SPTBN1: variants seen among roughly 807,000 people sequenced by gnomAD.
SPTBN1 encodes the protein spectrin beta chain, non-erythrocytic 1.
Under a neutral mutation model 266.4 loss-of-function variants are expected in SPTBN1, and 32 were observed. That is an observed-to-expected ratio of 0.12 (90% CI 0.09 to 0.16). The LOEUF (loss-of-function observed/expected upper bound fraction) is 0.16. Ranked by LOEUF, SPTBN1 falls within the 10% of genes least tolerant of loss-of-function variation. The probability of loss-of-function intolerance (pLI) is 1.00; values close to 1 mark genes in which losing one functional copy is unlikely to be tolerated. For missense variants in SPTBN1, 2,296 were observed against 3,067.1 expected (o/e 0.75, Z 5.94); for synonymous variants, 1,336 against 1,162.2 (o/e 1.15, Z -3.04).
chr2:54,667,347 G>A (rs931275967), intron 34 of SPTBN1, among the ~76,000 whole-genome samples: 5 of 152,074 alleles, frequency 3.3e-5, no homozygotes, highest in African/African-American at 1.2e-4. Context: ...TTATGTTTGG[G>A]GCTTTTTAAA....
At chr2:54,512,418 A>G (rs1452304426) in intron 1 of SPTBN1, among the ~76,000 whole-genome samples, 1 of 152,252 alleles carries the variant, frequency 6.6e-6, no homozygotes. Flanking sequence ...AAGCGATGGT[A>G]GTTATTTGAA....
intron 2 of SPTBN1, among the ~76,000 whole-genome samples, chr2:54,553,673 C>G (rs899606985): frequency 3.9e-5 from 6 of 152,188 alleles, no homozygotes; most frequent in Non-Finnish European, 8.8e-5. Context: ...CCTCCCTGTT[C>G]CCATCACTTC....
intron 2 of SPTBN1, among the ~76,000 whole-genome samples, chr2:54,595,133 A>T (rs922687098): frequency 6.6e-6 from 1 of 152,138 alleles, no homozygotes; most frequent in Non-Finnish European, 1.5e-5. Flanking sequence ...CACCTGGCCA[A>T]TTTCTTAAAT....
intron 2 of SPTBN1, among the ~76,000 whole-genome samples, chr2:54,570,231 T>G (rs1347403008): frequency 6.6e-6 from 1 of 152,158 alleles, no homozygotes; most frequent in African/African-American, 2.4e-5. Flanking sequence ...AAGGCCCTTC[T>G]TAGCCTTTCT....
chr2:54,618,749 G>A (rs2103846837), intron 7 of SPTBN1, among the ~76,000 whole-genome samples: 1 of 152,310 alleles, frequency 6.6e-6, no homozygotes, highest in East Asian at 1.9e-4. Context: ...CTTTGCTTAT[G>A]AGCAAGTAAG....
Position 54,655,925 on chromosome 2 carries a change from A to G in SPTBN1, c.5973A>G (p.Lys1991=). The G allele has an allele frequency of 6.2e-7, 1 of 1,612,910 alleles. No homozygotes were observed. The highest frequency in any genetic ancestry group is 8.5e-7 in the Non-Finnish European group (1 of 1,179,158). ...KHYASEEIKE[K]LLQLTEKRKE... ...TCTTTTTCATACAGATCAAGGAAAA[A>G]TTACTGCAGTTGACGGAAAAGAGGA... Residue 1991 remains lysine, a synonymous_variant, in exon 29 of 36, where the codon AAA becomes AAG. Coordinates refer to ENST00000356805, the MANE Select transcript of SPTBN1 (RefSeq NM_003128.3).
At position 54,483,862 on chromosome 2, in the gene SPTBN1, G is replaced by A. The variant is rs546475132; in HGVS notation, c.-48+27344G>A. The stretch of plus-strand genomic sequence containing the variant: ...CCTTATTGCCTTCTTGCTTTGTTCC[G>A]CTGGTCAGGTTAGTGTTCTTGACGG... On this transcript the variant is annotated intron_variant, in intron 1 of 35. Coordinates refer to ENST00000356805, the MANE Select transcript of SPTBN1 (RefSeq NM_003128.3). Among the ~76,000 whole-genome samples the A allele has an allele frequency of 4.6e-5, 7 of 152,246 alleles. No individual in the cohort carries two copies. The East Asian group carries it at 9.7e-4, about 21-fold the overall frequency.
At chr2:54,484,290 T>C (rs1004732875) in intron 1 of SPTBN1, among the ~76,000 whole-genome samples, 2 of 152,230 alleles carry the variant, frequency 1.3e-5, no homozygotes, top group African/African-American at 4.8e-5. Flanking sequence ...AGGACTTTTA[T>C]ATGCTTGGGA....
chr2:54,649,969 A>G lies in SPTBN1; in HGVS notation c.5557A>G (p.Ile1853Val), dbSNP rs151100181. 8.1e-6 allele frequency: 13 copies of G among 1,609,624 alleles called. No homozygotes were observed. In the Admixed American group the frequency reaches 1.8e-4, roughly 23 times the overall value. Residue 1853 changes from isoleucine (I) to valine (V), a missense_variant, in exon 26 of 36, where the codon ATC (isoleucine) becomes GTC (valine). Physicochemically the swap from Ile to Val is conservative, Grantham distance 29 (BLOSUM62 3). Coordinates refer to ENST00000356805, the MANE Select transcript of SPTBN1 (RefSeq NM_003128.3). The surrounding 1 kb of genome is among the most constrained non-coding windows in gnomAD (Gnocchi z 6.7). Reference protein sequence around the residue: ...QRMHTTFEHDIQALGTQVRQL... With the variant: ...QRMHTTFEHDVQALGTQVRQL... ...AATGCACACTACATTTGAGCATGAC[A>G]TCCAGGCTCTGGGCACACAGGTGGG...
chr2:54,562,865 G>A (rs1374432287), intron 2 of SPTBN1, among the ~76,000 whole-genome samples: 1 of 152,002 alleles, frequency 6.6e-6, no homozygotes, highest in East Asian at 1.9e-4. Context: ...GCCTAGAAAT[G>A]CTTACCATTT....
At chr2:54,523,070 T>C (rs991163780) in intron 1 of SPTBN1, among the ~76,000 whole-genome samples, 1 of 152,230 alleles carries the variant, frequency 6.6e-6, no homozygotes, top group African/African-American at 2.4e-5. Flanking sequence ...GTCTCTGATA[T>C]TGATAATAGT....
chr2:54,481,724 A>G (rs1450272587), intron 1 of SPTBN1, among the ~76,000 whole-genome samples: 1 of 152,212 alleles, frequency 6.6e-6, no homozygotes, highest in Non-Finnish European at 1.5e-5. Context: ...CATAGTGGTA[A>G]GAGCTTACTG....
At chr2:54,476,085 G>C (rs1401001649) in intron 1 of SPTBN1, among the ~76,000 whole-genome samples, 1 of 151,680 alleles carries the variant, frequency 6.6e-6, no homozygotes, top group Non-Finnish European at 1.5e-5. Context: ...GGTTAGGCTG[G>C]TGCTGCAGTA....
chr2:54,591,697 C>G (rs1346853927), intron 2 of SPTBN1, among the ~76,000 whole-genome samples: 1 of 152,168 alleles, frequency 6.6e-6, no homozygotes, highest in African/African-American at 2.4e-5. Flanking sequence ...ATAACCAGAA[C>G]TGTGGCATAT....
At chr2:54,650,062 ATC>A in intron 26 of SPTBN1, 73 bp downstream of exon 26, 1 of 1,518,194 alleles carries the variant, frequency 6.6e-7, no homozygotes, top group Non-Finnish European at 8.8e-7. Flanking sequence ...ATCTGTAAGT[ATC>A]TCCCTGTTCC....
At chr2:54,587,083 C>T (rs546333606) in intron 2 of SPTBN1, among the ~76,000 whole-genome samples, 2 of 152,212 alleles carry the variant, frequency 1.3e-5, no homozygotes, top group South Asian at 2.1e-4. Context: ...TTACACGCCC[C>T]GTAGAACATT....
At position 54,628,313 on chromosome 2, in the gene SPTBN1, C is replaced by T; in HGVS notation, c.1798+63C>T. The T allele has an allele frequency of 6.6e-7, 1 of 1,511,824 alleles. No homozygotes were observed. The highest frequency in any genetic ancestry group is 1.4e-5 in the African/African-American group (1 of 71,718). The allele number at this position is 1,511,824 out of a possible 1,614,324, so 93.7% of individuals were successfully genotyped here. A position where few individuals can be genotyped will look rare whatever the true frequency, so the allele number is the denominator to read the frequency against. Reference sequence around the variant, plus strand: ...CCAGAGATTCATATTTATAGAAACACAGTGGGGCTTTTGAAGTTACTGTGC... The same window carrying T: ...CCAGAGATTCATATTTATAGAAACATAGTGGGGCTTTTGAAGTTACTGTGC... On this transcript the variant is annotated intron_variant, in intron 13 of 35. Coordinates refer to ENST00000356805, the MANE Select transcript of SPTBN1 (RefSeq NM_003128.3). This position sits in a 1 kb window ranked among gnomAD's most constrained non-coding sequence, Gnocchi z 4.3.
chr2:54,599,056 T>G, intron 2 of SPTBN1, 36 bp from the exon 3 acceptor site: 1 of 1,609,000 alleles, frequency 6.2e-7, no homozygotes, highest in Non-Finnish European at 8.5e-7. Context: ...GCCAGTTCTG[T>G]GGTCAATGGT....
rs182767804 is a variant in SPTBN1, at chr2:54,485,220, A to G, written c.-48+28702A>G. On this transcript the variant is annotated intron_variant, in intron 1 of 35. Transcript: ENST00000356805. ...TCGGTCTCCCTCTCCCTCTCTTTCC[A>G]TGGTCTCCCTCTGATGCCAAGCCGA... Among the ~76,000 whole-genome samples, 203 of 136,962 alleles carry G rather than the reference A, an allele frequency of 1.5e-3. 1 individual carries two copies. The East Asian group carries it at 0.045, about 30-fold the overall frequency. The allele number at this position is 136,962 out of a possible 152,430, so 89.9% of individuals were successfully genotyped here.
Sources: gnomAD v4.1 joint callset for allele counts (sites outside exome capture counted in the v4.1 genomes callset) on GRCh38, gnomAD v4.1.1 for gene constraint, Gnocchi (gnomAD v3.1) non-coding constraint, MANE v1.5 for transcripts, NCBI Gene and HGNC (gene_info 2026-07-23, HGNC 2026-07-21) for gene names.